The following RASSF8 variants were observed in gnomAD, a reference collection of about 807,000 sequenced individuals.
The protein encoded by RASSF8 is Ras association domain family member 8, also known as ras association domain-containing protein 8.
In RASSF8, 22 loss-of-function variants were observed where a neutral mutation model predicts 48.5. The ratio of observed to expected loss-of-function variants is 0.45; its 90% CI spans 0.32 to 0.65. The LOEUF is 0.65. Among genes scored for constraint, RASSF8 ranks in the 30% least tolerant of loss-of-function variants. The probability of loss-of-function intolerance (pLI) is 0.03; values close to 1 mark genes in which losing one functional copy is unlikely to be tolerated. For missense variants in RASSF8, 418 were observed against 489.2 expected (o/e 0.85, Z 1.37); for synonymous variants, 127 against 171.5 (o/e 0.74, Z 2.03).
At chr12:26,055,110 G>A (rs1943574018) in intron 2 of RASSF8, 126 bp from the exon 3 acceptor site, 1 of 480,718 alleles carries the variant, frequency 2.1e-6, no homozygotes, top group South Asian at 2.9e-5. Context: ...ATTCATTTCT[G>A]TAAAATAAGC....
chr12:25,979,518 A>G lies in RASSF8; in HGVS notation c.-202-15519A>G, dbSNP rs1482550893. ...AAAAAAAAAAGATAATTTATAATCT[A>G]TATTTGAGTGTGATGTGCTAGGTCC... On this transcript the variant is annotated intron_variant, in intron 1 of 5. Coordinates refer to ENST00000689635, the MANE Select transcript of RASSF8 (RefSeq NM_001394098.1). Among the ~76,000 whole-genome samples, 7 of 152,316 alleles carry G rather than the reference A, an allele frequency of 4.6e-5. No homozygotes were observed. The South Asian group carries it at 8.3e-4, about 18-fold the overall frequency.
At chr12:26,034,837 TA>T (rs369281257) in intron 2 of RASSF8, among the ~76,000 whole-genome samples, 2,958 of 150,842 alleles carry the variant, frequency 0.02, 46 homozygotes, top group Non-Finnish European at 0.032. Context: ...TAAGCTACAT[TA>T]AAAAAAAACA....
intron 3 of RASSF8, among the ~76,000 whole-genome samples, chr12:26,058,081 C>G (rs950749360): frequency 1.3e-5 from 2 of 152,148 alleles, no homozygotes; most frequent in Admixed American, 1.3e-4. Context: ...TGTGAACAAG[C>G]CAAAAACACA....
intron 2 of RASSF8, among the ~76,000 whole-genome samples, chr12:26,037,148 G>A (rs1021646432): frequency 9.9e-5 from 15 of 152,152 alleles, no homozygotes; most frequent in Admixed American, 7.9e-4. Flanking sequence ...ATAATTGCTT[G>A]ACAGTGCTGT....
At chr12:26,048,861 C>A (rs898531073) in intron 2 of RASSF8, among the ~76,000 whole-genome samples, 62 of 152,266 alleles carry the variant, frequency 4.1e-4, no homozygotes, top group Middle Eastern at 3.4e-3. Flanking sequence ...TAAAGCGATT[C>A]TCCTGCCTCA....
rs1330816784 is a variant in RASSF8 at position 25,997,570 on chromosome 12, C to T, written c.-109+2440C>T. 3.9e-5 allele frequency among the ~76,000 whole-genome samples: 6 copies of T among 152,050 alleles called. No homozygotes were observed. The South Asian group carries it at 6.2e-4, about 16-fold the overall frequency. ...CTGTTTTTACGGGTTTACATAGGGG[C>T]ATTTTTGAATAAAACTTGTAACGAG... is the stretch of plus-strand genomic sequence containing the variant. On this transcript the variant is annotated intron_variant, in intron 2 of 5. Coordinates refer to ENST00000689635, the MANE Select transcript of RASSF8 (RefSeq NM_001394098.1).
At chr12:25,978,077 G>A (rs953622093) in intron 1 of RASSF8, among the ~76,000 whole-genome samples, 3 of 152,198 alleles carry the variant, frequency 2.0e-5, no homozygotes, top group African/African-American at 7.2e-5. Context: ...CTGAGCGAAT[G>A]CACTTTGATG....
At chr12:26,025,738 A>G (rs1171512212) in intron 2 of RASSF8, among the ~76,000 whole-genome samples, 1 of 152,170 alleles carries the variant, frequency 6.6e-6, no homozygotes, top group Non-Finnish European at 1.5e-5. Context: ...GCATTTCTAT[A>G]TACTATCAGT....
intron 2 of RASSF8, among the ~76,000 whole-genome samples, chr12:26,030,687 CT>C (rs34749872): frequency 0.069 from 10,219 of 147,122 alleles, 731 homozygotes; most frequent in East Asian, 0.27. Context: ...CCGAAGTTAT[CT>C]TTTTTTTTTT....
intron 2 of RASSF8, among the ~76,000 whole-genome samples, chr12:26,042,959 C>T (rs1348935425): frequency 6.6e-6 from 1 of 152,146 alleles, no homozygotes; most frequent in Non-Finnish European, 1.5e-5. Context: ...TCTGGGATCA[C>T]ACTGACATTT....
chr12:26,023,405 C>T (rs1344351926), intron 2 of RASSF8, among the ~76,000 whole-genome samples: 1 of 152,048 alleles, frequency 6.6e-6, no homozygotes, highest in Non-Finnish European at 1.5e-5. Flanking sequence ...AGTGTTATTG[C>T]TTAAAAGGAA....
intron 5 of RASSF8, among the ~76,000 whole-genome samples, chr12:26,067,958 A>T (rs1943916708): frequency 6.6e-6 from 1 of 151,920 alleles, no homozygotes; most frequent in Non-Finnish European, 1.5e-5. Context: ...TCTTGTAGAG[A>T]TGAGGTTTCA....
chr12:26,057,814 G>A (rs1476747093), intron 3 of RASSF8, among the ~76,000 whole-genome samples: 13 of 152,058 alleles, frequency 8.5e-5, no homozygotes, highest in East Asian at 3.9e-4. Flanking sequence ...TTTAATGATC[G>A]CCATTCCAAC....
chr12:26,061,424 G>A (rs112093960), intron 3 of RASSF8, among the ~76,000 whole-genome samples: 1 of 152,088 alleles, frequency 6.6e-6, no homozygotes, highest in African/African-American at 2.4e-5. Flanking sequence ...AATGATTCTT[G>A]GGATTAGTCT....
intron 2 of RASSF8, among the ~76,000 whole-genome samples, chr12:26,029,833 T>C (rs1942992052): frequency 6.6e-6 from 1 of 152,222 alleles, no homozygotes; most frequent in African/African-American, 2.4e-5. Context: ...TCCTGGCTAC[T>C]ATTTATCTTT....
intron 2 of RASSF8, among the ~76,000 whole-genome samples, chr12:26,006,165 T>C (rs10842652): frequency 0.71 from 107,878 of 152,092 alleles, 38,364 homozygotes; most frequent in South Asian, 0.77. Context: ...CTTCCTGGTC[T>C]CTGGCTTCAT....
chr12:26,020,303 C>G (rs1387290894), intron 2 of RASSF8: 1 of 152,136 alleles, frequency 6.6e-6, no homozygotes, highest in Non-Finnish European at 1.5e-5. Flanking sequence ...CCTGGCCCAG[C>G]TGGCACTTTG....
intron 2 of RASSF8, among the ~76,000 whole-genome samples, chr12:26,045,443 A>G (rs1943352198): frequency 6.6e-6 from 1 of 152,086 alleles, no homozygotes; most frequent in Non-Finnish European, 1.5e-5. Flanking sequence ...TTAATCTTAC[A>G]TATTTGTTTT....
chr12:26,021,696 A>G (rs1942790878), intron 2 of RASSF8, among the ~76,000 whole-genome samples: 1 of 152,096 alleles, frequency 6.6e-6, no homozygotes. Context: ...CCTTGCTTGT[A>G]AGGGAGAGAA....
Sources: allele counts gnomAD v4.1 joint callset (sites outside exome capture counted in the v4.1 genomes callset), GRCh38; gene constraint gnomAD v4.1.1; transcripts MANE v1.5; gene names NCBI Gene and HGNC (gene_info 2026-07-23, HGNC 2026-07-21).